TBC1D19: variants seen among roughly 807,000 people sequenced by gnomAD.
The protein encoded by TBC1D19 is TBC1 domain family member 19.
TBC1D19 carries 60 observed loss-of-function variants against 89.0 expected under a neutral mutation model. The observed-to-expected ratio is 0.67, with a 90% CI of 0.55 to 0.84. TBC1D19 has a LOEUF of 0.84. Ranked by LOEUF, TBC1D19 falls within the 40% of genes least tolerant of loss-of-function variation. The probability of loss-of-function intolerance (pLI) is 0.00; values close to 1 mark genes in which losing one functional copy is unlikely to be tolerated. For missense variants in TBC1D19, 500 were observed against 610.8 expected, an observed-to-expected ratio of 0.82 and a Z score of 1.91; for synonymous variants, 189 against 199.7, an observed-to-expected ratio of 0.95 and a Z score of 0.45.
chr4:26,755,051 A>G lies in TBC1D19; in HGVS notation c.*104A>G. On this transcript the variant is annotated 3_prime_UTR_variant, in exon 21 of 21. Transcript: ENST00000264866. ...CAAAATGAAACTTTGCATATAAGCC[A>G]ATAAAGATCATGTTCCCTCTTCAGT... 3.0e-6 allele frequency: 3 copies of G among 996,096 alleles called. No homozygotes were observed. Among genetic ancestry groups the G allele is most frequent in the Non-Finnish European group, 2.9e-6 (2 of 690,646 alleles). 61.7% of individuals were successfully genotyped at this position (996,096 alleles called of 1,614,324 possible). A position where few individuals can be genotyped will look rare whatever the true frequency, so the allele number is the denominator to read the frequency against.
At chr4:26,841,426 G>A in the TBC1D19 span, among the ~76,000 whole-genome samples, 1 of 150,982 alleles carries the variant, frequency 6.6e-6, no homozygotes, top group Non-Finnish European at 1.5e-5. Context: ...TTGAGGGTCA[G>A]CCTGTTACCC....
chr4:26,776,309 T>TAGTTTTC, the TBC1D19 span, among the ~76,000 whole-genome samples: 1 of 152,296 alleles, frequency 6.6e-6, no homozygotes, highest in East Asian at 1.9e-4. Context: ...ATACTAATAA[T>TAGTTTTC]AGTTTTCAAG....
At chr4:26,625,745 T>C (rs1360105747) in intron 4 of TBC1D19, among the ~76,000 whole-genome samples, 2 of 152,148 alleles carry the variant, frequency 1.3e-5, no homozygotes, top group African/African-American at 4.8e-5. Flanking sequence ...TATCTGATGT[T>C]TTCTCATGAT....
chr4:26,805,277 G>A, the TBC1D19 span, among the ~76,000 whole-genome samples: 4 of 152,186 alleles, frequency 2.6e-5, no homozygotes, highest in Non-Finnish European at 5.9e-5. Flanking sequence ...CGTATGTTAA[G>A]CTTCAGTCTG....
rs112499953 is a variant in TBC1D19, at chr4:26,692,671, C to G, written c.954+4264C>G. Among the ~76,000 whole-genome samples, 999 of 152,282 alleles carry G rather than the reference C, an allele frequency of 6.6e-3. 8 individuals are homozygous for G. The highest frequency in any genetic ancestry group is 0.023 in the African/African-American group (946 of 41,554). ...CTCTGAACAATGAAGATTTTAATAG[C>G]AAACACTTAAGAGTAACAAGCTAAA... On this transcript the variant is annotated intron_variant, in intron 13 of 20. Coordinates refer to ENST00000264866, the MANE Select transcript of TBC1D19 (RefSeq NM_018317.4).
chr4:26,640,902 G>C (rs974641523), intron 7 of TBC1D19, among the ~76,000 whole-genome samples: 3 of 152,198 alleles, frequency 2.0e-5, no homozygotes, highest in Non-Finnish European at 4.4e-5. Flanking sequence ...CGGGAAGCTC[G>C]AACTGGGTGG....
At chr4:26,716,633 A>G (rs1716631068) in intron 13 of TBC1D19, among the ~76,000 whole-genome samples, 2 of 152,116 alleles carry the variant, frequency 1.3e-5, no homozygotes, top group Admixed American at 1.3e-4. Context: ...TGTGTAAGAA[A>G]TATTTATCTT....
At chr4:26,802,356 T>A in the TBC1D19 span, among the ~76,000 whole-genome samples, 2 of 152,304 alleles carry the variant, frequency 1.3e-5, no homozygotes, top group African/African-American at 2.4e-5. Flanking sequence ...ATCCCAGCAC[T>A]TTGGGAGGCC....
the TBC1D19 span, among the ~76,000 whole-genome samples, chr4:26,843,155 C>T: frequency 6.6e-6 from 1 of 152,154 alleles, no homozygotes; most frequent in East Asian, 1.9e-4. Context: ...CTGCCAGAAA[C>T]ATAAAACATA....
chr4:26,735,070 A>G (rs918977551), intron 15 of TBC1D19, among the ~76,000 whole-genome samples: 2 of 151,024 alleles, frequency 1.3e-5, no homozygotes, highest in African/African-American at 2.4e-5. Context: ...GTATATATGT[A>G]TACACATGTA....
chr4:26,804,546 G>T, the TBC1D19 span, among the ~76,000 whole-genome samples: 2 of 152,248 alleles, frequency 1.3e-5, no homozygotes, highest in Admixed American at 6.5e-5. Context: ...CCTGGAGGGA[G>T]CCAGTAGGAC....
At chr4:26,816,171 A>G in the TBC1D19 span, among the ~76,000 whole-genome samples, 3 of 152,216 alleles carry the variant, frequency 2.0e-5, no homozygotes, top group African/African-American at 7.2e-5. Flanking sequence ...GCTGTGTTCC[A>G]ACAAAACTTT....
intron 9 of TBC1D19, among the ~76,000 whole-genome samples, chr4:26,667,968 A>G (rs1711961176): frequency 6.6e-6 from 1 of 151,850 alleles, no homozygotes; most frequent in African/African-American, 2.4e-5. Context: ...TTCTTATATA[A>G]TGTGATGTAG....
At chr4:26,770,752 C>T in the TBC1D19 span, among the ~76,000 whole-genome samples, 2 of 152,142 alleles carry the variant, frequency 1.3e-5, no homozygotes, top group South Asian at 4.1e-4. Context: ...TACAAGGATT[C>T]AAGCCATATA....
At chr4:26,650,617 T>C (rs1744295417) in intron 7 of TBC1D19, among the ~76,000 whole-genome samples, 1 of 152,178 alleles carries the variant, frequency 6.6e-6, no homozygotes, top group Admixed American at 6.5e-5. Context: ...ATATTAGCCC[T>C]TTGTCAGATG....
the TBC1D19 span, among the ~76,000 whole-genome samples, chr4:26,811,719 G>A: frequency 6.6e-6 from 1 of 152,340 alleles, no homozygotes; most frequent in African/African-American, 2.4e-5. Context: ...TGCTAAACAA[G>A]GAGTGGGTTA....
intron 7 of TBC1D19, among the ~76,000 whole-genome samples, chr4:26,644,738 A>G (rs866126381): frequency 6.6e-6 from 1 of 152,248 alleles, no homozygotes; most frequent in South Asian, 2.1e-4. Flanking sequence ...AGGATACAAA[A>G]TCAATGTGCA....
At chr4:26,659,992 A>G (rs1016909315) in intron 8 of TBC1D19, among the ~76,000 whole-genome samples, 2 of 152,176 alleles carry the variant, frequency 1.3e-5, no homozygotes, top group African/African-American at 4.8e-5. Flanking sequence ...TGTCTGCTGG[A>G]TGGTTATAAA....
At chr4:26,634,862 T>G (rs1162971304) in intron 4 of TBC1D19, among the ~76,000 whole-genome samples, 1 of 152,098 alleles carries the variant, frequency 6.6e-6, no homozygotes, top group Non-Finnish European at 1.5e-5. Context: ...TCCAGTATAT[T>G]TATTGGAAAA....
Sources: allele counts gnomAD v4.1 joint callset (sites outside exome capture counted in the v4.1 genomes callset), GRCh38; gene constraint gnomAD v4.1.1; transcripts MANE v1.5; gene names NCBI Gene and HGNC (gene_info 2026-07-23, HGNC 2026-07-21).